Variants in PTPRE observed in about 807,000 individuals in gnomAD.
The protein encoded by PTPRE is receptor-type tyrosine-protein phosphatase epsilon.
A neutral mutation model predicts 102.0 loss-of-function variants in PTPRE; 51 were observed. The ratio of observed to expected loss-of-function variants is 0.50; its 90% CI spans 0.40 to 0.63. PTPRE has a LOEUF of 0.63. Ranked by LOEUF, PTPRE falls within the 30% of genes least tolerant of loss-of-function variation. The pLI is 0.00. For synonymous variants in PTPRE, 345 were observed against 348.2 expected (o/e 0.99, Z 0.10); for missense variants, 752 against 915.1 (o/e 0.82, Z 2.30).
intron 1 of PTPRE, among the ~76,000 whole-genome samples, chr10:127,953,867 A>G (rs943256375): frequency 1.3e-5 from 2 of 152,186 alleles, no homozygotes; most frequent in Non-Finnish European, 2.9e-5. Context: ...CTTTGCTTGG[A>G]AGGAGAAATG....
At chr10:127,987,947 G>C (rs1250311794) in intron 2 of PTPRE, among the ~76,000 whole-genome samples, 1 of 152,218 alleles carries the variant, frequency 6.6e-6, no homozygotes, top group Non-Finnish European at 1.5e-5. Flanking sequence ...GGCCAGGGCC[G>C]GCACTCTGTG....
At chr10:128,006,043 A>G (rs946359167) in intron 2 of PTPRE, among the ~76,000 whole-genome samples, 1 of 152,184 alleles carries the variant, frequency 6.6e-6, no homozygotes, top group Non-Finnish European at 1.5e-5. Flanking sequence ...ACCCTAATCC[A>G]TGATGACCTC....
chr10:128,005,919 T>C (rs1854495012), intron 2 of PTPRE, among the ~76,000 whole-genome samples: 1 of 152,152 alleles, frequency 6.6e-6, no homozygotes, highest in South Asian at 2.1e-4. Context: ...ATTCCCCAGC[T>C]TGTGGTTGCC....
chr10:128,035,131 C>G (rs1200938164), intron 2 of PTPRE, among the ~76,000 whole-genome samples: 1 of 152,064 alleles, frequency 6.6e-6, no homozygotes. Flanking sequence ...CACAGGCACC[C>G]ATCACCGCGC....
At chr10:128,001,683 C>A (rs1411231417) in intron 2 of PTPRE, among the ~76,000 whole-genome samples, 1 of 152,084 alleles carries the variant, frequency 6.6e-6, no homozygotes, top group Non-Finnish European at 1.5e-5. Flanking sequence ...AGGATTATGC[C>A]CTCGCTTTTC....
chr10:127,919,237 A>G (rs1363768384), intron 1 of PTPRE, among the ~76,000 whole-genome samples: 2 of 152,254 alleles, frequency 1.3e-5, no homozygotes, highest in Non-Finnish European at 2.9e-5. Context: ...GATTTTCTCA[A>G]TAACCTTTCT....
chr10:128,063,803 G>A (rs1279743158), intron 10 of PTPRE, among the ~76,000 whole-genome samples: 2 of 152,188 alleles, frequency 1.3e-5, no homozygotes, highest in Admixed American at 6.5e-5. Context: ...TCAAATTCAG[G>A]GCTGAGAAGT....
chr10:128,063,595 T>A (rs1213501864), intron 10 of PTPRE, among the ~76,000 whole-genome samples: 3 of 152,254 alleles, frequency 2.0e-5, no homozygotes, highest in African/African-American at 4.8e-5. Flanking sequence ...AACGTTGGTA[T>A]ATTGAAGAAA....
chr10:127,960,812 A>G (rs1849743704), intron 1 of PTPRE, among the ~76,000 whole-genome samples: 1 of 152,110 alleles, frequency 6.6e-6, no homozygotes, highest in Non-Finnish European at 1.5e-5. Flanking sequence ...TCACTAGGTC[A>G]GGAGATCAAG....
chr10:128,022,435 G>C (rs950765092), intron 2 of PTPRE, among the ~76,000 whole-genome samples: 2 of 152,234 alleles, frequency 1.3e-5, no homozygotes, highest in Non-Finnish European at 2.9e-5. Context: ...TGTGAAGCTC[G>C]GGTCCAGAAC....
chr10:128,056,651 C>T (rs996623467), intron 7 of PTPRE, among the ~76,000 whole-genome samples: 4 of 152,194 alleles, frequency 2.6e-5, no homozygotes, highest in Non-Finnish European at 5.9e-5. Flanking sequence ...GGTCCTGGAC[C>T]AATGACAAAA....
chr10:128,020,965 T>A (rs953620281), intron 2 of PTPRE, among the ~76,000 whole-genome samples: 5 of 151,072 alleles, frequency 3.3e-5, no homozygotes, highest in African/African-American at 1.2e-4. Context: ...TGGCGCAATC[T>A]CAGCTCACTG....
intron 1 of PTPRE, among the ~76,000 whole-genome samples, chr10:127,935,499 T>C (rs1564809111): frequency 6.6e-6 from 1 of 152,124 alleles, no homozygotes; most frequent in Non-Finnish European, 1.5e-5. Flanking sequence ...GACAGCTGTT[T>C]GTGACTCAGC....
chr10:128,012,120 C>T (rs946598055), intron 2 of PTPRE, among the ~76,000 whole-genome samples: 2 of 151,046 alleles, frequency 1.3e-5, no homozygotes, highest in African/African-American at 2.4e-5. Flanking sequence ...ATTGTGAGCC[C>T]GGGTGTGAAC....
At chr10:128,041,049 A>G in intron 3 of PTPRE, 59 bp downstream of exon 3, 4 of 1,432,816 alleles carry the variant, frequency 2.8e-6, no homozygotes, top group Middle Eastern at 1.7e-4. Flanking sequence ...TCCTGGGACC[A>G]TTCAGAGGGT....
chr10:128,084,203 T>G lies in PTPRE; in HGVS notation c.*1297T>G, dbSNP rs1851939136. On this transcript the variant is annotated 3_prime_UTR_variant, in exon 21 of 21. Coordinates refer to ENST00000254667, the MANE Select transcript of PTPRE (RefSeq NM_006504.6). ...ACACTGAATCTTACAGCAGTTATCTTTCTATGGCCATTAGGTACCTAGCAG... is the reference window on the plus strand; with the variant it reads ...ACACTGAATCTTACAGCAGTTATCTGTCTATGGCCATTAGGTACCTAGCAG... 6.6e-6 allele frequency: 1 copy of G among 152,144 alleles called. No homozygotes were observed. The highest frequency in any genetic ancestry group is 2.4e-5 in the African/African-American group (1 of 41,432). The allele number at this position is 152,144 out of a possible 1,614,324, so 9.4% of individuals were successfully genotyped here.
intron 1 of PTPRE, among the ~76,000 whole-genome samples, chr10:127,910,794 A>G (rs1845817051): frequency 1.3e-5 from 2 of 152,208 alleles, no homozygotes; most frequent in Non-Finnish European, 2.9e-5. Flanking sequence ...AGAATCAGTG[A>G]AGTTTGAGGC....
intron 2 of PTPRE, 69 bp downstream of exon 2, chr10:127,982,365 T>G: frequency 9.9e-7 from 1 of 1,005,578 alleles, no homozygotes; most frequent in Non-Finnish European, 1.3e-6. Flanking sequence ...TATGTGGGAT[T>G]TAATTATTAG....
intron 2 of PTPRE, among the ~76,000 whole-genome samples, chr10:128,022,759 G>A (rs1024448870): frequency 3.3e-5 from 5 of 152,350 alleles, no homozygotes; most frequent in East Asian, 1.9e-4. Context: ...CTTCCCAGGC[G>A]GGCACAGGGG....
Sources: allele counts gnomAD v4.1 joint callset (sites outside exome capture counted in the v4.1 genomes callset), GRCh38; gene constraint gnomAD v4.1.1; transcripts MANE v1.5; gene names NCBI Gene and HGNC (gene_info 2026-07-23, HGNC 2026-07-21).